GABBR2: variants seen among roughly 807,000 people sequenced by gnomAD.
The protein encoded by GABBR2 is gamma-aminobutyric acid type B receptor subunit 2, also known as G-protein coupled receptor 51.
Under a neutral mutation model 105.6 loss-of-function variants are expected in GABBR2, and 23 were observed. That is an observed-to-expected ratio of 0.22 (90% CI 0.16 to 0.31). The LOEUF is 0.31. Among genes scored for constraint, GABBR2 ranks in the 10% least tolerant of loss-of-function variants. The pLI is 1.00. For synonymous variants in GABBR2, 478 were observed against 499.7 expected, an observed-to-expected ratio of 0.96 and a Z score of 0.58; for missense variants, 734 against 1,245.5, an observed-to-expected ratio of 0.59 and a Z score of 6.18.
intron 13 of GABBR2, among the ~76,000 whole-genome samples, chr9:98,323,225 G>C (rs1009852745): frequency 2.6e-5 from 4 of 152,216 alleles, no homozygotes; most frequent in African/African-American, 7.2e-5. Context: ...GGTGTGGCGG[G>C]ACTGGGTAGA....
intron 13 of GABBR2, among the ~76,000 whole-genome samples, chr9:98,331,040 T>C (rs1335565645): frequency 3.3e-5 from 5 of 152,206 alleles, no homozygotes; most frequent in East Asian, 3.9e-4. Context: ...CTGAACATAA[T>C]GTTTTCAAGG....
intron 1 of GABBR2, among the ~76,000 whole-genome samples, chr9:98,618,187 T>G (rs904741500): frequency 6.6e-6 from 1 of 152,156 alleles, no homozygotes; most frequent in African/African-American, 2.4e-5. Flanking sequence ...GTCTCAGACT[T>G]CATGAAGGGC....
At chr9:98,458,604 C>T (rs1363293788) in intron 6 of GABBR2, among the ~76,000 whole-genome samples, 1 of 152,274 alleles carries the variant, frequency 6.6e-6, no homozygotes, top group South Asian at 2.1e-4. Flanking sequence ...ACTCAGGAGG[C>T]TGAGACACAA....
chr9:98,299,993 G>A (rs1054650521), intron 16 of GABBR2, among the ~76,000 whole-genome samples: 2 of 151,544 alleles, frequency 1.3e-5, no homozygotes, highest in Non-Finnish European at 2.9e-5. Context: ...CTCCTGAGTA[G>A]CTGGGACTAC....
intron 7 of GABBR2, among the ~76,000 whole-genome samples, chr9:98,413,595 G>A (rs1294590229): frequency 6.6e-6 from 1 of 152,216 alleles, no homozygotes; most frequent in Non-Finnish European, 1.5e-5. Flanking sequence ...TAGAGCAGTA[G>A]GTTTGCAGGG....
intron 1 of GABBR2, among the ~76,000 whole-genome samples, chr9:98,683,395 G>A (rs1233627706): frequency 6.6e-6 from 1 of 152,056 alleles, no homozygotes; most frequent in Non-Finnish European, 1.5e-5. Flanking sequence ...GAGCCATTGC[G>A]CCCGGCCCAA....
At chr9:98,355,781 C>T (rs992553124) in intron 13 of GABBR2, among the ~76,000 whole-genome samples, 1 of 152,166 alleles carries the variant, frequency 6.6e-6, no homozygotes, top group Non-Finnish European at 1.5e-5. Flanking sequence ...CATTAAAGAA[C>T]AAAGTTGGAG....
chr9:98,613,463 G>C (rs1042425246), intron 1 of GABBR2, among the ~76,000 whole-genome samples: 1 of 152,080 alleles, frequency 6.6e-6, no homozygotes, highest in African/African-American at 2.4e-5. Context: ...AAAAAAAAGG[G>C]TGGAGTCTAC....
chr9:98,686,915 A>G (rs1830627902), intron 1 of GABBR2, among the ~76,000 whole-genome samples: 1 of 151,896 alleles, frequency 6.6e-6, no homozygotes. Context: ...CCAGCCCTGT[A>G]CTTCCAGCAG....
In GABBR2 at chr9:98,504,315, C is replaced by G. The variant is rs187816970; in HGVS notation, c.631-7801G>C. Among the ~76,000 whole-genome samples, 5 of 152,344 alleles carry G rather than the reference C, an allele frequency of 3.3e-5. No homozygotes were observed. In the East Asian group the frequency reaches 9.7e-4, roughly 29 times the overall value. ...GACCACGTGTCCCACACAGAGAAGG[C>G]TCCCATGGGCAAGTGAAATTCACAG... On this transcript the variant is annotated intron_variant, in intron 3 of 18. Coordinates refer to ENST00000259455, the MANE Select transcript of GABBR2 (RefSeq NM_005458.8).
Position 98,489,909 on chromosome 9 carries a change from A to G in GABBR2, c.732+6504T>C, listed in dbSNP as rs138713158. On this transcript the variant is annotated intron_variant, in intron 4 of 18. Coordinates refer to ENST00000259455, the MANE Select transcript of GABBR2 (RefSeq NM_005458.8). ...GGAGTTTGAGACCAGCCTGGCCAAC[A>G]TGGTAAAACACCATCTCTACTAAAA... Among the ~76,000 whole-genome samples the G allele has an allele frequency of 1.5e-3, 236 of 152,340 alleles. 5 individuals carry two copies. The highest frequency in any genetic ancestry group is 0.011 in the East Asian group (57 of 5,178).
At position 98,388,855 on chromosome 9, in the gene GABBR2, T is replaced by C; in HGVS notation, c.1528A>G (p.Lys510Glu). Residue 510 changes from lysine to glutamate, a missense_variant and splice_region_variant, in exon 10 of 19, where the codon AAG (lysine) becomes GAG (glutamate). Physicochemically the swap from Lys to Glu is moderately conservative, Grantham distance 56. This residue lies in a region of GABBR2 where 370 missense variants were observed against 648.9 expected (regional missense o/e 0.57). Coordinates refer to ENST00000259455, the MANE Select transcript of GABBR2 (RefSeq NM_005458.8). The surrounding 1 kb of genome is among the most constrained non-coding windows in gnomAD (Gnocchi z 4.4). ...LFFNIKNRNQ[K>E]LIKMSSPYMN... ...CAGAGGAGGACCAGGGTGGCTTACT[T>C]CTGATTCCGGTTCTTGATGTTGAAG... The C allele has an allele frequency of 6.2e-7, 1 of 1,612,806 alleles. No homozygotes were observed. Among genetic ancestry groups the C allele is most frequent in the Non-Finnish European group, 8.5e-7 (1 of 1,179,260 alleles).
chr9:98,357,016 C>T (rs1236370324), intron 13 of GABBR2, among the ~76,000 whole-genome samples: 1 of 152,172 alleles, frequency 6.6e-6, no homozygotes, highest in Non-Finnish European at 1.5e-5. Flanking sequence ...AACTATGGAT[C>T]CGTGGTTGTC....
chr9:98,693,662 C>T (rs1040745620), intron 1 of GABBR2, among the ~76,000 whole-genome samples: 2 of 152,196 alleles, frequency 1.3e-5, no homozygotes, highest in African/African-American at 4.8e-5. Flanking sequence ...AATACGGAGC[C>T]AGACCAGAGC....
chr9:98,706,991 T>C lies in GABBR2; in HGVS notation c.321+1426A>G, dbSNP rs371279207. ...GCACAGCCAGCCAGCTTGCATCCTC[T>C]GGGGCAGAGGACGCCTCTCCGCCTG... On this transcript the variant is annotated intron_variant, in intron 1 of 18. Coordinates refer to ENST00000259455, the MANE Select transcript of GABBR2 (RefSeq NM_005458.8). Among the ~76,000 whole-genome samples the C allele has an allele frequency of 2.6e-5, 4 of 152,224 alleles. No individual in the cohort carries two copies. The East Asian group carries it at 7.7e-4, about 29-fold the overall frequency.
At chr9:98,621,980 G>GA (rs1035000289) in intron 1 of GABBR2, among the ~76,000 whole-genome samples, 9 of 149,086 alleles carry the variant, frequency 6.0e-5, no homozygotes, top group Non-Finnish European at 7.5e-5. Context: ...TTTTAAGACC[G>GA]AAAAAAAAAT....
At chr9:98,361,650 C>T (rs757491985) in intron 13 of GABBR2, among the ~76,000 whole-genome samples, 2 of 152,200 alleles carry the variant, frequency 1.3e-5, no homozygotes, top group African/African-American at 4.8e-5. Flanking sequence ...TCAGTTCCTG[C>T]CCCCTTGGCC....
At chr9:98,303,496 T>G in intron 15 of GABBR2, 73 bp from the exon 16 acceptor site, 1 of 1,337,594 alleles carries the variant, frequency 7.5e-7, no homozygotes, top group Non-Finnish European at 1.1e-6. Flanking sequence ...CATGGCAGAC[T>G]CTCCCAGCAG....
chr9:98,616,437 C>T (rs1307009497), intron 1 of GABBR2, among the ~76,000 whole-genome samples: 2 of 152,146 alleles, frequency 1.3e-5, no homozygotes, highest in East Asian at 3.9e-4. Flanking sequence ...CGAAGCAGAG[C>T]TCCCAGACAA....
Sources: gnomAD v4.1 joint callset for allele counts (sites outside exome capture counted in the v4.1 genomes callset) on GRCh38, gnomAD v4.1.1 for gene constraint, gnomAD v4.1.1 regional missense constraint, Gnocchi (gnomAD v3.1) non-coding constraint, MANE v1.5 for transcripts, NCBI Gene and HGNC (gene_info 2026-07-23, HGNC 2026-07-21) for gene names.